Variants in CPQ observed in about 807,000 individuals in gnomAD.
CPQ encodes the protein carboxypeptidase Q.
CPQ carries 37 observed loss-of-function variants against 45.7 expected under a neutral mutation model. That is an observed-to-expected ratio of 0.81 (90% CI 0.62 to 1.07). The LOEUF (loss-of-function observed/expected upper bound fraction) is 1.07, where lower values mean the gene tolerates loss of function less well. CPQ is among the 50% of genes least tolerant of loss of function. The pLI, the probability that CPQ is intolerant of heterozygous loss-of-function variation, is 0.00. For missense variants in CPQ, 537 were observed against 572.9 expected (o/e 0.94, Z 0.64); for synonymous variants, 186 against 205.8 (o/e 0.90, Z 0.82).
intron 5 of CPQ, among the ~76,000 whole-genome samples, chr8:97,014,432 C>T (rs1809543810): frequency 6.6e-6 from 1 of 152,040 alleles, no homozygotes; most frequent in Non-Finnish European, 1.5e-5. Flanking sequence ...GGGCAGATCA[C>T]TTGAGGTCAG....
chr8:96,651,722 ATTATG>A (rs924054568), intron 1 of CPQ, among the ~76,000 whole-genome samples: 38 of 152,160 alleles, frequency 2.5e-4, no homozygotes, highest in East Asian at 5.8e-4. Context: ...TAATCAAAAA[ATTATG>A]TTATGTATGA....
chr8:96,834,858 T>C (rs1195357873), intron 2 of CPQ, 115 bp from the exon 3 acceptor site: 2 of 877,974 alleles, frequency 2.3e-6, no homozygotes, highest in Non-Finnish European at 3.5e-6. Context: ...ACTTTGATCT[T>C]CTTATACCAG....
intron 1 of CPQ, among the ~76,000 whole-genome samples, chr8:96,677,500 G>A (rs1809090805): frequency 6.6e-6 from 1 of 151,776 alleles, no homozygotes; most frequent in Non-Finnish European, 1.5e-5. Context: ...TATGTCCTTT[G>A]TGCACTTTTT....
At chr8:96,900,176 C>T (rs1586443928) in intron 4 of CPQ, among the ~76,000 whole-genome samples, 2 of 152,146 alleles carry the variant, frequency 1.3e-5, no homozygotes, top group East Asian at 3.9e-4. Context: ...AAGCCAGTTT[C>T]ATAATCAAGT....
At chr8:97,056,349 T>C (rs139121770) in intron 6 of CPQ, 25 of 152,214 alleles carry the variant, frequency 1.6e-4, no homozygotes, top group African/African-American at 5.1e-4. Flanking sequence ...GTAAGTGTGA[T>C]AGAGAAAAGA....
chr8:96,688,424 T>C (rs754960369), intron 1 of CPQ, among the ~76,000 whole-genome samples: 4 of 152,194 alleles, frequency 2.6e-5, no homozygotes, highest in Non-Finnish European at 4.4e-5. Flanking sequence ...GTTTAGGCCA[T>C]GTGTAGTTGT....
At chr8:97,010,519 C>T (rs1399756966) in intron 5 of CPQ, among the ~76,000 whole-genome samples, 5 of 152,184 alleles carry the variant, frequency 3.3e-5, no homozygotes, top group Admixed American at 3.3e-4. Flanking sequence ...AGCACAGCGT[C>T]TGGCATAGTG....
intron 1 of CPQ, among the ~76,000 whole-genome samples, chr8:96,672,724 G>A (rs1354004334): frequency 6.6e-6 from 1 of 152,060 alleles, no homozygotes. Context: ...GCTGCAGTGA[G>A]CTGAGCTTGC....
intron 4 of CPQ, among the ~76,000 whole-genome samples, chr8:96,945,170 C>T (rs1044438781): frequency 2.0e-5 from 3 of 152,150 alleles, no homozygotes; most frequent in South Asian, 2.1e-4. Context: ...ATGAGCAGGA[C>T]GGCCATGGGC....
At chr8:96,685,398 T>G (rs981057243) in intron 1 of CPQ, among the ~76,000 whole-genome samples, 3 of 152,110 alleles carry the variant, frequency 2.0e-5, no homozygotes, top group Non-Finnish European at 1.5e-5. Context: ...CAGATTTATT[T>G]TGGTGTAAGG....
At chr8:97,025,720 A>G (rs1281263690) in intron 5 of CPQ, among the ~76,000 whole-genome samples, 1 of 152,064 alleles carries the variant, frequency 6.6e-6, no homozygotes, top group Non-Finnish European at 1.5e-5. Context: ...TGTTACTATC[A>G]TTGTTACTGC....
chr8:97,077,832 G>A (rs1810874684), intron 7 of CPQ, among the ~76,000 whole-genome samples: 2 of 152,090 alleles, frequency 1.3e-5, no homozygotes, highest in Non-Finnish European at 2.9e-5. Flanking sequence ...TTTAATTTCA[G>A]TATATTCTGA....
At position 97,123,105 on chromosome 8, in the gene CPQ, A is replaced by AAAATAAAAT. The variant is rs1563587168; in HGVS notation, c.1256-19911_1256-19903dup. On this transcript the variant is annotated intron_variant, in intron 7 of 7. Transcript: ENST00000220763. ...ATAAATAAAATAAAATAAAATAAAT[A>AAAATAAAAT]AAATAAAATAAAATAAAATAAATAA... Among the ~76,000 whole-genome samples the AAAATAAAAT allele has an allele frequency of 2.4e-4, 22 of 92,904 alleles. 5 individuals carry two copies. The highest frequency in any genetic ancestry group is 9.3e-4 in the African/African-American group (17 of 18,260). 60.9% of individuals were successfully genotyped at this position (92,904 alleles called of 152,430 possible).
intron 4 of CPQ, among the ~76,000 whole-genome samples, chr8:96,929,291 T>C (rs1024044137): frequency 3.3e-5 from 5 of 152,202 alleles, no homozygotes; most frequent in Admixed American, 2.6e-4. Flanking sequence ...TTTAAGACTC[T>C]CTGAACAGAT....
intron 4 of CPQ, among the ~76,000 whole-genome samples, chr8:96,916,785 T>G (rs1057317987): frequency 6.6e-6 from 1 of 152,122 alleles, no homozygotes; most frequent in Non-Finnish European, 1.5e-5. Context: ...AATTTTCTTG[T>G]TTTTGATGGC....
At chr8:96,974,672 A>G (rs1813745054) in intron 5 of CPQ, among the ~76,000 whole-genome samples, 1 of 152,154 alleles carries the variant, frequency 6.6e-6, no homozygotes, top group Non-Finnish European at 1.5e-5. Flanking sequence ...ACTTTCTCAG[A>G]CCACAGTGGA....
intron 4 of CPQ, among the ~76,000 whole-genome samples, chr8:96,963,415 C>T (rs1813496742): frequency 6.6e-6 from 1 of 152,042 alleles, no homozygotes; most frequent in South Asian, 2.1e-4. Flanking sequence ...ATTACATAGC[C>T]ATTTGTTAGT....
chr8:97,100,544 T>C (rs540764709), intron 7 of CPQ, among the ~76,000 whole-genome samples: 3 of 152,326 alleles, frequency 2.0e-5, no homozygotes, highest in African/African-American at 7.2e-5. Flanking sequence ...GACATCTATC[T>C]GGTTTTGTGT....
chr8:96,871,498 T>C (rs959744129), intron 3 of CPQ, among the ~76,000 whole-genome samples: 2 of 150,916 alleles, frequency 1.3e-5, no homozygotes, highest in African/African-American at 4.9e-5. Context: ...GGATTCAAAT[T>C]GCTACTGTGA....
Sources: gnomAD v4.1 joint callset for allele counts (sites outside exome capture counted in the v4.1 genomes callset) on GRCh38, gnomAD v4.1.1 for gene constraint, MANE v1.5 for transcripts, NCBI Gene and HGNC (gene_info 2026-07-23, HGNC 2026-07-21) for gene names.